Variants in HELZ2 observed in about 807,000 individuals in gnomAD.
HELZ2 encodes the protein 3'-5' exoribonuclease HELZ2.
In HELZ2, 143 loss-of-function variants were observed where a neutral mutation model predicts 208.8. The observed-to-expected ratio is 0.68, with a 90% CI of 0.60 to 0.79. The LOEUF (loss-of-function observed/expected upper bound fraction) is 0.79, where lower values mean the gene tolerates loss of function less well. Among genes scored for constraint, HELZ2 ranks in the 30% least tolerant of loss-of-function variants. The pLI, the probability that HELZ2 is intolerant of heterozygous loss-of-function variation, is 0.00. For missense variants in HELZ2, 3,690 were observed against 3,794.5 expected (o/e 0.97, Z 0.72); for synonymous variants, 1,705 against 1,693.7 (o/e 1.01, Z -0.16).
Position 63,565,667 on chromosome 20 carries a change from G to A in HELZ2, c.3155C>T (p.Thr1052Met), listed in dbSNP as rs367562440. 85 of 1,609,894 alleles carry A rather than the reference G, an allele frequency of 5.3e-5. No homozygotes were observed. The highest frequency in any genetic ancestry group is 4.9e-4 in the Middle Eastern group (3 of 6,062). ...GTCAGCCTCTGCATCCTCAGCCTCC[G>A]TGGACTCCACGCCCGCTGCAGCAGC... The change falls in exon 8 of 19, where the codon ACG (threonine) becomes ATG (methionine). Residue 1052 changes from threonine (T) to methionine (M), a missense_variant. Thr to Met is a moderately conservative substitution (Grantham distance 81). Coordinates refer to ENST00000467148, the Ensembl canonical transcript of HELZ2.
exon 16 of HELZ2, chr20:63,560,594 T>C: frequency 1.2e-6 from 2 of 1,612,144 alleles, no homozygotes; most frequent in Non-Finnish European, 1.7e-6. Context: ...GCAGCTCTCC[T>C]TGCCAGCGTG....
chr20:63,559,056 G>A (rs913640135), downstream of HELZ2: 1 of 596,452 alleles, frequency 1.7e-6, no homozygotes, highest in South Asian at 2.4e-5. Context: ...AGATGCCCAG[G>A]AGGAGCAAGA....
At position 63,563,549 on chromosome 20, in the gene HELZ2, AAGAGC is replaced by A; in HGVS notation, c.5268_5272del (p.Leu1757ProfsTer9). On this transcript the variant is annotated frameshift_variant, in exon 8 of 19. Transcript: ENST00000467148. LOFTEE classifies it high-confidence loss of function. ...AGGCAGCGTCTCCCGGTTGCTGGGG[AAGAGC>A]AGCCGGAAGCAGCGGGAGCCCGCCT... The A allele has an allele frequency of 6.6e-7, 1 of 1,517,216 alleles. No individual in the cohort carries two copies. Among genetic ancestry groups the A allele is most frequent in the Admixed American group, 2.0e-5 (1 of 50,094 alleles). 94.0% of individuals were successfully genotyped at this position (1,517,216 alleles called of 1,614,324 possible).
At chr20:63,562,559 A>G in exon 8 of HELZ2, 1 of 1,596,688 alleles carries the variant, frequency 6.3e-7, no homozygotes, top group Non-Finnish European at 8.5e-7. Flanking sequence ...AACGGTGAAC[A>G]GGGTGCCCGG....
At chr20:63,560,926 C>T in exon 15 of HELZ2, 1 of 1,612,746 alleles carries the variant, frequency 6.2e-7, no homozygotes, top group South Asian at 1.1e-5. Context: ...CCGAGAAGAA[C>T]CACCTGGAGG....
rs369691665 is a variant in HELZ2 at position 63,561,469 on chromosome 20, G to A, written c.6837-3C>T. On this transcript the variant is annotated splice_polypyrimidine_tract_variant and splice_region_variant and intron_variant, in intron 12 of 18. Transcript: ENST00000467148. ...TCCGGTGGTGCAGGGTGATGCTCCT[G>A]GGGGACAGGACACAGTGAGCCCTGT... 25 of 1,604,258 alleles carry A rather than the reference G, an allele frequency of 1.6e-5. No individual in the cohort carries two copies. Among genetic ancestry groups the A allele is most frequent in the African/African-American group, 2.7e-5 (2 of 74,876 alleles).
Position 63,565,063 on chromosome 20 carries a change from C to CT in HELZ2, c.3758dup (p.Arg1254GlufsTer36). 1 of 1,563,934 alleles carries CT rather than the reference C, an allele frequency of 6.4e-7. No homozygotes were observed. Among genetic ancestry groups the CT allele is most frequent in the Non-Finnish European group, 8.7e-7 (1 of 1,153,674 alleles). ...TGTGCCGGGCCTCGGCGGTGAGCCT[C>CT]TCAAGCCCCACACGCTGCAGCCGGC... On this transcript the variant is annotated frameshift_variant, in exon 8 of 19. Transcript: ENST00000467148. LOFTEE classifies it high-confidence loss of function.
chr20:63,562,327 T>C (rs755058876), exon 9 of HELZ2: 2 of 1,598,654 alleles, frequency 1.3e-6, no homozygotes, highest in South Asian at 1.1e-5. Context: ...CCCAGTGCGA[T>C]GCTGGTGACC....
At chr20:63,564,995 A>T in exon 8 of HELZ2, 1 of 1,598,140 alleles carries the variant, frequency 6.3e-7, no homozygotes, top group Non-Finnish European at 8.5e-7. Context: ...CGGGTAGTAG[A>T]AGCCTTGCCG....
chr20:63,569,542 T>C (rs1196546256), exon 4 of HELZ2: 6 of 1,606,460 alleles, frequency 3.7e-6, no homozygotes, highest in Non-Finnish European at 5.1e-6. Context: ...AAGTCGGCAG[T>C]GGAGCTGGGC....
At chr20:63,572,261 C>A (rs1039246437) in exon 1 of HELZ2, 2 of 1,586,454 alleles carry the variant, frequency 1.3e-6, no homozygotes, top group Non-Finnish European at 1.7e-6. Flanking sequence ...GCAGGCCGGG[C>A]AGTACAGCTG....
At chr20:63,560,253 G>A (rs778043746) in exon 17 of HELZ2, 96 of 1,561,444 alleles carry the variant, frequency 6.1e-5, no homozygotes, top group East Asian at 1.4e-4. Flanking sequence ...AGGCCTGCGC[G>A]TTGTAGGGCG....
At chr20:63,572,639 AG>A (rs1309889856), upstream of HELZ2, 3 of 471,618 alleles carry the variant, frequency 6.4e-6, no homozygotes, top group African/African-American at 6.1e-5. Flanking sequence ...GAGGGAGCAA[AG>A]CAGCTCGAAG....
exon 8 of HELZ2, chr20:63,566,162 A>G (rs1167246158): frequency 1.3e-6 from 2 of 1,551,944 alleles, no homozygotes; most frequent in South Asian, 1.2e-5. Context: ...CTCAGGGGCC[A>G]GTGCCCCAGG....
chr20:63,566,378 C>A, exon 7 of HELZ2: 1 of 1,548,104 alleles, frequency 6.5e-7, no homozygotes. Context: ...GGTCACCCAC[C>A]TGGCAGGATC....
chr20:63,567,553 C>T lies in HELZ2; in HGVS notation c.1805G>A (p.Arg602His). Residue 602 changes from arginine to histidine, a missense_variant, in exon 6 of 19, where the codon CGT becomes CAT. Transcript: ENST00000467148. ...CAGCGGCCGGTCCGTGTACATCACA[C>T]GGAGAGGAGTGGCCTCGGGGTGGCC... 6.3e-7 allele frequency: 1 copy of T among 1,580,212 alleles called. No homozygotes were observed.
exon 8 of HELZ2, chr20:63,564,238 G>A (rs1242954853): frequency 9.3e-6 from 15 of 1,611,904 alleles, no homozygotes; most frequent in African/African-American, 2.7e-5. Flanking sequence ...ACTGAATCAT[G>A]TACTCCTTCA....
chr20:63,568,698 G>T, exon 5 of HELZ2: 1 of 1,606,064 alleles, frequency 6.2e-7, no homozygotes, highest in Non-Finnish European at 8.5e-7. Flanking sequence ...AGGACCAGGC[G>T]GGCCTCAGGC....
chr20:63,572,471 G>A, upstream of HELZ2: 3 of 1,371,522 alleles, frequency 2.2e-6, no homozygotes, highest in Non-Finnish European at 2.9e-6. Context: ...GTAGGCAGGA[G>A]GCTGGCCGGC....
Sources: gnomAD v4.1 joint callset for allele counts on GRCh38, gnomAD v4.1.1 for gene constraint, MANE v1.5 for transcripts, NCBI Gene and HGNC (gene_info 2026-07-23, HGNC 2026-07-21) for gene names.